Variants in PRR16 observed in about 807,000 individuals in gnomAD.
PRR16 encodes protein Largen.
In PRR16, 6 loss-of-function variants were observed where a neutral mutation model predicts 18.2. That is an observed-to-expected ratio of 0.33 (90% CI 0.18 to 0.65). The LOEUF (loss-of-function observed/expected upper bound fraction) is 0.65, where lower values mean the gene tolerates loss of function less well. Ranked by LOEUF, PRR16 falls within the 30% of genes least tolerant of loss-of-function variation. The pLI is 0.74. For missense variants in PRR16, 412 were observed against 376.6 expected (o/e 1.09, Z -0.78); for synonymous variants, 151 against 147.8 (o/e 1.02, Z -0.16).
chr5:120,640,106 AG>A (rs1755371875), intron 1 of PRR16, among the ~76,000 whole-genome samples: 1 of 152,056 alleles, frequency 6.6e-6, no homozygotes, highest in East Asian at 1.9e-4. Context: ...ATGGATATAA[AG>A]GTGGAAATGA....
chr5:120,608,951 T>C (rs943155860), intron 1 of PRR16, among the ~76,000 whole-genome samples: 3 of 152,200 alleles, frequency 2.0e-5, no homozygotes, highest in Admixed American at 6.5e-5. Context: ...AGAGGGTTTC[T>C]CCTGATGGTC....
At chr5:120,677,651 C>A (rs1756841879) in intron 1 of PRR16, among the ~76,000 whole-genome samples, 1 of 151,964 alleles carries the variant, frequency 6.6e-6, no homozygotes, top group Non-Finnish European at 1.5e-5. Flanking sequence ...TTTTTTCTCT[C>A]CATTAAGTTT....
At chr5:120,516,385 C>T (rs1435680466) in intron 1 of PRR16, among the ~76,000 whole-genome samples, 1 of 142,066 alleles carries the variant, frequency 7.0e-6, no homozygotes, top group African/African-American at 2.6e-5. Context: ...AAATCACACA[C>T]TGCATTCCAG....
At chr5:120,513,377 C>T (rs1168907014) in intron 1 of PRR16, among the ~76,000 whole-genome samples, 2 of 152,128 alleles carry the variant, frequency 1.3e-5, no homozygotes, top group Non-Finnish European at 2.9e-5. Flanking sequence ...CTGATGAAGA[C>T]GGACTTCTCC....
At chr5:120,642,132 C>A (rs576375166) in intron 1 of PRR16, among the ~76,000 whole-genome samples, 1 of 152,188 alleles carries the variant, frequency 6.6e-6, no homozygotes, top group African/African-American at 2.4e-5. Flanking sequence ...CACCATTTTT[C>A]ATCTGGATGA....
chr5:120,739,026 CTAA>C, the PRR16 span, among the ~76,000 whole-genome samples: 1 of 151,966 alleles, frequency 6.6e-6, no homozygotes, highest in African/African-American at 2.4e-5. Context: ...AATAAAAACA[CTAA>C]TAAGATATGA....
the PRR16 span, among the ~76,000 whole-genome samples, chr5:120,729,922 T>C: frequency 6.6e-6 from 1 of 152,120 alleles, no homozygotes; most frequent in Non-Finnish European, 1.5e-5. Flanking sequence ...TTTCAATCTT[T>C]GCTCTGTGGG....
chr5:120,676,522 ATGTGTG>A (rs60138197), intron 1 of PRR16, among the ~76,000 whole-genome samples: 150 of 126,028 alleles, frequency 1.2e-3, no homozygotes, highest in African/African-American at 3.7e-3. Context: ...ATATATATAT[ATGTGTG>A]TGTGTGTGTG....
intron 1 of PRR16, among the ~76,000 whole-genome samples, chr5:120,531,035 C>T (rs1751534391): frequency 6.6e-6 from 1 of 152,136 alleles, no homozygotes; most frequent in African/African-American, 2.4e-5. Context: ...TATGCACTGG[C>T]AGCCTCTTCT....
intron 1 of PRR16, among the ~76,000 whole-genome samples, chr5:120,495,345 T>C (rs534853600): frequency 1.3e-5 from 2 of 152,218 alleles, no homozygotes; most frequent in Admixed American, 6.5e-5. Context: ...TTGGTATCCA[T>C]GGAGCATTGG....
intron 1 of PRR16, among the ~76,000 whole-genome samples, chr5:120,530,172 A>G (rs1751496643): frequency 6.8e-6 from 1 of 147,068 alleles, no homozygotes; most frequent in South Asian, 2.1e-4. Context: ...GTGTGTATAT[A>G]TGCAGTGCTT....
rs73786235 is a variant in PRR16 at position 120,523,074 on chromosome 5, C to T, written c.159+58429C>T. Among the ~76,000 whole-genome samples, 571 of 152,196 alleles carry T rather than the reference C, an allele frequency of 3.8e-3. 5 individuals are homozygous for T. Among genetic ancestry groups the T allele is most frequent in the African/African-American group, 0.013 (552 of 41,512 alleles). ...TGGAATCATAGACATGTATCCCAGGCTCTAAGATTCTAAATTAACTTCAAA... is the reference window on the plus strand; with the variant it reads ...TGGAATCATAGACATGTATCCCAGGTTCTAAGATTCTAAATTAACTTCAAA... On this transcript the variant is annotated intron_variant, in intron 1 of 1. Transcript: ENST00000407149.
the PRR16 span, among the ~76,000 whole-genome samples, chr5:120,754,500 T>C: frequency 5.0e-5 from 3 of 59,504 alleles, no homozygotes; most frequent in Non-Finnish European, 8.6e-5. Flanking sequence ...GTATGTATTT[T>C]ATTATGTATA....
chr5:120,676,179 T>C (rs1019461758), intron 1 of PRR16, among the ~76,000 whole-genome samples: 1 of 152,188 alleles, frequency 6.6e-6, no homozygotes, highest in African/African-American at 2.4e-5. Context: ...TGGAATATCC[T>C]TTCTTCTTAA....
At chr5:120,754,592 A>T in the PRR16 span, among the ~76,000 whole-genome samples, 1 of 105,280 alleles carries the variant, frequency 9.5e-6, no homozygotes, top group Non-Finnish European at 1.8e-5. Flanking sequence ...TATATTATAT[A>T]TAATATATAT....
chr5:120,706,340 T>C, the PRR16 span, among the ~76,000 whole-genome samples: 1 of 15,126 alleles, frequency 6.6e-5, no homozygotes, highest in Non-Finnish European at 2.2e-4. Context: ...GGGGACATAT[T>C]TTCACTCCGT....
chr5:120,735,408 G>C, the PRR16 span, among the ~76,000 whole-genome samples: 1 of 152,018 alleles, frequency 6.6e-6, no homozygotes, highest in African/African-American at 2.4e-5. Context: ...ATCAACAGTG[G>C]CTGCATTATT....
At chr5:120,617,726 G>T (rs1179249947) in intron 1 of PRR16, among the ~76,000 whole-genome samples, 1 of 151,992 alleles carries the variant, frequency 6.6e-6, no homozygotes, top group Non-Finnish European at 1.5e-5. Context: ...CACATATTAA[G>T]ACAATAGTCT....
At chr5:120,556,028 C>T (rs1752398361) in intron 1 of PRR16, among the ~76,000 whole-genome samples, 1 of 151,586 alleles carries the variant, frequency 6.6e-6, no homozygotes, top group Non-Finnish European at 1.5e-5. Flanking sequence ...CTGTACCATA[C>T]TGAGATTCAG....
Sources: gnomAD v4.1 joint callset for allele counts (sites outside exome capture counted in the v4.1 genomes callset) on GRCh38, gnomAD v4.1.1 for gene constraint, MANE v1.5 for transcripts, NCBI Gene and HGNC (gene_info 2026-07-23, HGNC 2026-07-21) for gene names.